Variants in AGBL1 observed in about 807,000 individuals in gnomAD.
AGBL1 encodes the protein cytosolic carboxypeptidase 4.
In AGBL1, 130 loss-of-function variants were observed where a neutral mutation model predicts 118.9. That is an observed-to-expected ratio of 1.09 (90% confidence interval 0.95 to 1.26). AGBL1 has a LOEUF of 1.26. AGBL1 is among the 50% of genes most tolerant of loss of function. AGBL1 has a pLI of 0.00. For synonymous variants in AGBL1, 555 were observed against 478.9 expected (o/e 1.16, Z -2.08); for missense variants, 1,584 against 1,298.1 (o/e 1.22, Z -3.38).
intron 17 of AGBL1, among the ~76,000 whole-genome samples, chr15:86,317,350 C>T (rs1476508623): frequency 2.0e-5 from 3 of 152,196 alleles, no homozygotes; most frequent in South Asian, 4.2e-4. Context: ...ATATCCTATC[C>T]GCACAGAGAT....
intron 1 of AGBL1, among the ~76,000 whole-genome samples, chr15:86,127,254 A>T (rs2076759250): frequency 2.0e-5 from 3 of 151,918 alleles, no homozygotes; most frequent in Admixed American, 2.0e-4. Flanking sequence ...TGATTTACTG[A>T]CTCTTCTTGT....
chr15:86,261,836 TA>T (rs2078991037), intron 9 of AGBL1, among the ~76,000 whole-genome samples: 1 of 152,032 alleles, frequency 6.6e-6, no homozygotes, highest in Non-Finnish European at 1.5e-5. Flanking sequence ...GTCCAATAAA[TA>T]AAAGACTCAC....
chr15:86,108,566 G>C (rs192826886), intron 1 of AGBL1, among the ~76,000 whole-genome samples: 1 of 152,222 alleles, frequency 6.6e-6, no homozygotes, highest in East Asian at 1.9e-4. Flanking sequence ...ATTTCAAGTG[G>C]ATACGTTTAG....
intron 5 of AGBL1, among the ~76,000 whole-genome samples, chr15:86,187,187 A>G (rs1359299449): frequency 1.3e-5 from 2 of 152,220 alleles, no homozygotes; most frequent in African/African-American, 4.8e-5. Context: ...ATCAGCAATT[A>G]AAAAAGGATA....
intron 5 of AGBL1, among the ~76,000 whole-genome samples, chr15:86,218,779 C>T (rs1278931701): frequency 6.6e-6 from 1 of 152,178 alleles, no homozygotes; most frequent in Non-Finnish European, 1.5e-5. Context: ...AGCAAGCCGG[C>T]AGTGTCCTTG....
In AGBL1 at chr15:86,165,343, A is replaced by G. The variant is rs556080110; in HGVS notation, c.488+6317A>G. On this transcript the variant is annotated intron_variant, in intron 5 of 22. Transcript: ENST00000614907. ...CTGGTGATTTCATCTGCAATTTATGAGCTAGAAAAAATGTCCTGCTTCTCT... is the reference window on the plus strand; with the variant it reads ...CTGGTGATTTCATCTGCAATTTATGGGCTAGAAAAAATGTCCTGCTTCTCT... 3.9e-5 allele frequency among the ~76,000 whole-genome samples: 6 copies of G among 152,180 alleles called. No homozygotes were observed. In the East Asian group the frequency reaches 1.2e-3, roughly 30 times the overall value.
intron 18 of AGBL1, among the ~76,000 whole-genome samples, chr15:86,506,121 C>T (rs546548499): frequency 6.6e-6 from 1 of 152,122 alleles, no homozygotes; most frequent in African/African-American, 2.4e-5. Flanking sequence ...CTGGGCATGC[C>T]TTCAACACTC....
intron 17 of AGBL1, among the ~76,000 whole-genome samples, chr15:86,379,785 A>T (rs2081087563): frequency 6.6e-6 from 1 of 152,130 alleles, no homozygotes; most frequent in African/African-American, 2.4e-5. Flanking sequence ...AACACAGCTT[A>T]TTTGCCCTTC....
intron 23 of AGBL1, among the ~76,000 whole-genome samples, chr15:86,935,957 C>A (rs1596650332): frequency 6.6e-6 from 1 of 152,224 alleles, no homozygotes; most frequent in Non-Finnish European, 1.5e-5. Flanking sequence ...TCTGGGAGCT[C>A]AGTGAAAGAC....
chr15:86,428,189 A>G (rs1490602919), intron 18 of AGBL1, among the ~76,000 whole-genome samples: 1 of 152,232 alleles, frequency 6.6e-6, no homozygotes, highest in African/African-American at 2.4e-5. Flanking sequence ...GGAATTTTAC[A>G]TAAATCCAAA....
intron 21 of AGBL1, among the ~76,000 whole-genome samples, chr15:86,643,176 A>G (rs2085220963): frequency 6.6e-6 from 1 of 152,350 alleles, no homozygotes; most frequent in South Asian, 2.1e-4. Flanking sequence ...ATAAGCTCAT[A>G]TAAAAAAGAA....
At chr15:86,928,875 A>ATTTAAC (rs61449119) in intron 23 of AGBL1, among the ~76,000 whole-genome samples, 102,386 of 151,264 alleles carry the variant, frequency 0.68, 35,546 homozygotes, top group South Asian at 0.88. Context: ...CATTTTAATA[A>ATTTAAC]TTTATTTTTT....
In AGBL1 at chr15:86,231,135, A is replaced by C. The variant is rs139688009; in HGVS notation, c.526+6184A>C. 1.3e-5 allele frequency among the ~76,000 whole-genome samples: 2 copies of C among 152,162 alleles called. 1 individual carries two copies. The highest frequency in any genetic ancestry group is 4.1e-4 in the South Asian group (2 of 4,820). The stretch of plus-strand genomic sequence containing the variant: ...GAACTAACCATACTGTAATTGATGA[A>C]TCATGTTTTTTTTGCATATTATGTG... On this transcript the variant is annotated intron_variant, in intron 6 of 22. Coordinates refer to ENST00000614907, the MANE Select transcript of AGBL1 (RefSeq NM_001386094.1).
intron 5 of AGBL1, among the ~76,000 whole-genome samples, chr15:86,213,677 C>G (rs1014848142): frequency 2.0e-5 from 3 of 152,116 alleles, no homozygotes; most frequent in Non-Finnish European, 2.9e-5. Flanking sequence ...TTCCCACAGA[C>G]CCAAGCAACT....
intron 22 of AGBL1, among the ~76,000 whole-genome samples, chr15:86,873,723 A>T (rs563759044): frequency 6.6e-6 from 1 of 152,174 alleles, no homozygotes; most frequent in East Asian, 1.9e-4. Flanking sequence ...AGCCTCCAGA[A>T]TTGTGAGAAG....
chr15:86,177,931 A>G lies in AGBL1; in HGVS notation c.488+18905A>G, dbSNP rs142799636. On this transcript the variant is annotated intron_variant, in intron 5 of 22. Coordinates refer to ENST00000614907, the MANE Select transcript of AGBL1 (RefSeq NM_001386094.1). The stretch of plus-strand genomic sequence containing the variant: ...AAGTAAAATGAAGGAAATAAGAAAA[A>G]TCAGAATAGAAATAAATAAAATTAC... 2.0e-3 allele frequency among the ~76,000 whole-genome samples: 297 copies of G among 152,280 alleles called. 1 individual carries two copies. The highest frequency in any genetic ancestry group is 6.8e-3 in the African/African-American group (281 of 41,578).
intron 23 of AGBL1, among the ~76,000 whole-genome samples, chr15:86,949,205 T>A (rs2141667663): frequency 6.6e-6 from 1 of 152,312 alleles, no homozygotes; most frequent in Non-Finnish European, 1.5e-5. Flanking sequence ...TTGTTTCTCT[T>A]TTTGATAGAA....
At chr15:86,889,109 T>C (rs149189992) in intron 22 of AGBL1, among the ~76,000 whole-genome samples, 77 of 152,192 alleles carry the variant, frequency 5.1e-4, no homozygotes, top group African/African-American at 1.7e-3. Flanking sequence ...TTGTTTTCCG[T>C]TCACTGAAAA....
intron 21 of AGBL1, among the ~76,000 whole-genome samples, chr15:86,588,020 A>G (rs1021688410): frequency 1.3e-5 from 2 of 152,172 alleles, no homozygotes; most frequent in African/African-American, 2.4e-5. Context: ...GATTACTAAT[A>G]ACTAACATAT....
Sources: allele counts gnomAD v4.1 joint callset (sites outside exome capture counted in the v4.1 genomes callset), GRCh38; gene constraint gnomAD v4.1.1; transcripts MANE v1.5; gene names NCBI Gene and HGNC (gene_info 2026-07-23, HGNC 2026-07-21).